Variants in MYO5B observed in about 807,000 individuals in gnomAD.
MYO5B encodes the protein myosin VB.
In MYO5B, 143 loss-of-function variants were observed where a neutral mutation model predicts 229.3. That is an observed-to-expected ratio of 0.62 (90% confidence interval 0.54 to 0.72). The LOEUF is 0.72. Ranked by LOEUF, MYO5B falls within the 30% of genes least tolerant of loss-of-function variation. MYO5B has a pLI of 0.00. For synonymous variants in MYO5B, 918 were observed against 885.2 expected, an observed-to-expected ratio of 1.04 and a Z score of -0.66; for missense variants, 2,321 against 2,331.0, an observed-to-expected ratio of 1.00 and a Z score of 0.09.
intron 25 of MYO5B, among the ~76,000 whole-genome samples, chr18:49,877,179 G>C (rs1420934975): frequency 1.3e-5 from 2 of 152,186 alleles, no homozygotes; most frequent in Non-Finnish European, 2.9e-5. Flanking sequence ...AAATGCCAGA[G>C]GAAAAATTGT....
At chr18:50,032,578 T>G (rs2026401672) in intron 4 of MYO5B, among the ~76,000 whole-genome samples, 1 of 152,262 alleles carries the variant, frequency 6.6e-6, no homozygotes, top group South Asian at 2.1e-4. Context: ...TTCCATTGCA[T>G]GGATATTCCT....
rs76982098 is a variant in MYO5B, at chr18:49,920,779, G to T, written c.2091-8606C>A. ...ACCTGGGGAAACTTGTCAAAATGCA[G>T]ATGTTCAGGACTCAGTCTCAGGCTC... is the stretch of plus-strand genomic sequence containing the variant. On this transcript the variant is annotated intron_variant, in intron 17 of 39. Coordinates refer to ENST00000285039, the MANE Select transcript of MYO5B (RefSeq NM_001080467.3). 5.3e-3 allele frequency among the ~76,000 whole-genome samples: 810 copies of T among 152,310 alleles called. 9 individuals carry two copies. The highest frequency in any genetic ancestry group is 0.017 in the African/African-American group (705 of 41,566).
intron 1 of MYO5B, among the ~76,000 whole-genome samples, chr18:50,107,719 T>C (rs1188758125): frequency 6.6e-6 from 1 of 152,184 alleles, no homozygotes; most frequent in Non-Finnish European, 1.5e-5. Flanking sequence ...CCCTAGTTAA[T>C]CATTCTCTCA....
intron 1 of MYO5B, among the ~76,000 whole-genome samples, chr18:50,090,445 C>A (rs1490142131): frequency 6.6e-6 from 1 of 152,064 alleles, no homozygotes; most frequent in African/African-American, 2.4e-5. Flanking sequence ...ACAGGGACTC[C>A]AGGAAATGAC....
In MYO5B at chr18:50,138,398, T is replaced by G. The variant is rs1432563848; in HGVS notation, c.27+56369A>C. Among the ~76,000 whole-genome samples, 3 of 151,520 alleles carry G rather than the reference T, an allele frequency of 2.0e-5. No homozygotes were observed. In the East Asian group the frequency reaches 5.8e-4, roughly 29 times the overall value. The stretch of plus-strand genomic sequence containing the variant: ...AAGAAGTTACAGGAGAAAGGGAATC[T>G]GGAGTGTGCCCAATTTGGGGGGGGT... On this transcript the variant is annotated intron_variant, in intron 1 of 39. Transcript: ENST00000285039.
chr18:50,125,395 T>G, intron 1 of MYO5B, among the ~76,000 whole-genome samples: 2 of 143,318 alleles, frequency 1.4e-5, no homozygotes, highest in East Asian at 2.3e-4. Context: ...GGGGAAGGGA[T>G]AGCATTAGGA....
At chr18:49,881,937 G>A (rs1035797834) in intron 22 of MYO5B, among the ~76,000 whole-genome samples, 1 of 152,192 alleles carries the variant, frequency 6.6e-6, no homozygotes, top group South Asian at 2.1e-4. Flanking sequence ...TCATTAGTTG[G>A]TATAGAGGAG....
chr18:49,915,281 T>C (rs921732244), intron 17 of MYO5B, among the ~76,000 whole-genome samples: 2 of 150,912 alleles, frequency 1.3e-5, no homozygotes, highest in Non-Finnish European at 2.9e-5. Flanking sequence ...TCACACCCTA[T>C]TCTGCCCTAT....
In MYO5B at chr18:49,886,080, C is replaced by T. The variant is rs533757829; in HGVS notation, c.3046-5625G>A. ...TCAGCCTCCTGAGTAGCTAGGACTACAGGTGCCTGCCAACATGCCCGGCTA... is the reference window on the plus strand; with the variant it reads ...TCAGCCTCCTGAGTAGCTAGGACTATAGGTGCCTGCCAACATGCCCGGCTA... On this transcript the variant is annotated intron_variant, in intron 22 of 39. Coordinates refer to ENST00000285039, the MANE Select transcript of MYO5B (RefSeq NM_001080467.3). 1.1e-4 allele frequency among the ~76,000 whole-genome samples: 17 copies of T among 152,236 alleles called. 1 individual carries two copies. Among genetic ancestry groups the T allele is most frequent in the Admixed American group, 7.9e-4 (12 of 15,276 alleles).
chr18:49,893,504 G>A (rs943796680), intron 22 of MYO5B, among the ~76,000 whole-genome samples: 3 of 152,212 alleles, frequency 2.0e-5, no homozygotes, highest in Non-Finnish European at 4.4e-5. Context: ...CAAGCACCAC[G>A]TGCTTTCTCC....
At chr18:49,989,295 T>C (rs537790239) in intron 7 of MYO5B, among the ~76,000 whole-genome samples, 3 of 152,280 alleles carry the variant, frequency 2.0e-5, no homozygotes. Flanking sequence ...GGAGCACAGA[T>C]GGGTCTGGTG....
intron 29 of MYO5B, among the ~76,000 whole-genome samples, chr18:49,858,958 G>A (rs1231418306): frequency 6.6e-6 from 1 of 152,220 alleles, no homozygotes; most frequent in Non-Finnish European, 1.5e-5. Flanking sequence ...AAACTACTTG[G>A]CTCAGGATTT....
intron 2 of MYO5B, among the ~76,000 whole-genome samples, chr18:50,044,798 C>T (rs3941597): frequency 1.3e-5 from 2 of 151,728 alleles, no homozygotes; most frequent in Non-Finnish European, 2.9e-5. Context: ...CTGAGGATGC[C>T]GGCAGGGAAA....
In MYO5B at chr18:50,025,610, T is replaced by C. The variant is rs1032648260; in HGVS notation, c.455+11240A>G. 2.6e-5 allele frequency among the ~76,000 whole-genome samples: 4 copies of C among 152,326 alleles called. No individual in the cohort carries two copies. The East Asian group carries it at 5.8e-4, about 22-fold the overall frequency. Reference sequence around the variant, plus strand: ...ACAGTATATGTTTATTATATCCTAATAGAATCAAAGAGCTACTAGACAGTG... The same window carrying C: ...ACAGTATATGTTTATTATATCCTAACAGAATCAAAGAGCTACTAGACAGTG... On this transcript the variant is annotated intron_variant, in intron 4 of 39. Coordinates refer to ENST00000285039, the MANE Select transcript of MYO5B (RefSeq NM_001080467.3).
intron 1 of MYO5B, among the ~76,000 whole-genome samples, chr18:50,186,350 T>C (rs1231661904): frequency 6.6e-6 from 1 of 152,236 alleles, no homozygotes; most frequent in Non-Finnish European, 1.5e-5. Flanking sequence ...GTTTCAATAA[T>C]CATTTGTATT....
intron 3 of MYO5B, among the ~76,000 whole-genome samples, chr18:50,039,104 G>T (rs922826515): frequency 6.6e-6 from 1 of 152,122 alleles, no homozygotes; most frequent in African/African-American, 2.4e-5. Context: ...CAATGAGCAA[G>T]ACCACAGGGC....
At chr18:49,916,887 G>A (rs1389201411) in intron 17 of MYO5B, among the ~76,000 whole-genome samples, 2 of 152,196 alleles carry the variant, frequency 1.3e-5, no homozygotes, top group Non-Finnish European at 2.9e-5. Context: ...ACCTTTAAGA[G>A]GAAAATCTTC....
At chr18:49,856,201 C>T (rs948005755) in intron 30 of MYO5B, among the ~76,000 whole-genome samples, 8 of 152,172 alleles carry the variant, frequency 5.3e-5, no homozygotes, top group African/African-American at 7.2e-5. Flanking sequence ...TCTGTTTCAC[C>T]AGCAATTTCC....
intron 1 of MYO5B, among the ~76,000 whole-genome samples, chr18:50,080,784 C>G (rs1051597383): frequency 6.6e-6 from 1 of 152,148 alleles, no homozygotes; most frequent in Non-Finnish European, 1.5e-5. Context: ...AGCAAGTTCC[C>G]ATAAGAGAAC....
Sources: allele counts gnomAD v4.1 joint callset (sites outside exome capture counted in the v4.1 genomes callset), GRCh38; gene constraint gnomAD v4.1.1; transcripts MANE v1.5; gene names NCBI Gene and HGNC (gene_info 2026-07-23, HGNC 2026-07-21).